The following DNAJC7 variants were observed in gnomAD, a reference collection of about 807,000 sequenced individuals.
The protein encoded by DNAJC7 is DnaJ heat shock protein family (Hsp40) member C7, also known as dnaJ homolog subfamily C member 7.
Under a neutral mutation model 67.4 loss-of-function variants are expected in DNAJC7, and 18 were observed. That is an observed-to-expected ratio of 0.27 (90% CI 0.18 to 0.40). The LOEUF is 0.40. Among genes scored for constraint, DNAJC7 ranks in the 10% least tolerant of loss-of-function variants. The pLI, the probability that DNAJC7 is intolerant of heterozygous loss-of-function variation, is 1.00. For missense variants in DNAJC7, 419 were observed against 613.8 expected (o/e 0.68, Z 3.35); for synonymous variants, 220 against 207.8 (o/e 1.06, Z -0.50).
intron 5 of DNAJC7, 26 bp downstream of exon 5, chr17:41,994,844 G>C: frequency 6.2e-7 from 1 of 1,609,092 alleles, no homozygotes; most frequent in Non-Finnish European, 8.5e-7. Context: ...AAGAGCAGAT[G>C]AGATTATCTC....
chr17:41,998,977 G>A lies in DNAJC7; in HGVS notation c.166+1505C>T, dbSNP rs568363900. 2.6e-5 allele frequency among the ~76,000 whole-genome samples: 4 copies of A among 152,066 alleles called. No individual in the cohort carries two copies. In the East Asian group the frequency reaches 5.8e-4, roughly 22 times the overall value. On this transcript the variant is annotated intron_variant, in intron 2 of 13. Coordinates refer to ENST00000457167, the MANE Select transcript of DNAJC7 (RefSeq NM_003315.4). ...AAGGTAGGAGGATCGCTTGAGCCCA[G>A]GAGTTTGAGACCAGCCGGGGCAACA...
At chr17:42,017,060 T>C (rs2052318935) in intron 1 of DNAJC7, 5 of 1,368,284 alleles carry the variant, frequency 3.7e-6, no homozygotes, top group South Asian at 1.5e-5. Context: ...ACCTCTGAAA[T>C]TGCCCTCGGA....
chr17:42,017,214 A>AT (rs1453802798), intron 1 of DNAJC7, 126 bp downstream of exon 1: 15 of 1,594,404 alleles, frequency 9.4e-6, no homozygotes, highest in East Asian at 8.9e-5. Flanking sequence ...TTGATCTCAG[A>AT]TGGGGGGGTG....
intron 1 of DNAJC7, among the ~76,000 whole-genome samples, chr17:42,006,483 G>C (rs1381418765): frequency 6.6e-6 from 1 of 151,840 alleles, no homozygotes; most frequent in Non-Finnish European, 1.5e-5. Flanking sequence ...CTGGGTGACA[G>C]AGTGAGACCC....
intron 10 of DNAJC7, 82 bp downstream of exon 10, chr17:41,983,481 C>A: frequency 7.8e-7 from 1 of 1,274,776 alleles, no homozygotes; most frequent in Non-Finnish European, 1.1e-6. Context: ...TCCCTGATCC[C>A]TGAATCAAAC....
chr17:41,981,976 C>G lies in DNAJC7; in HGVS notation c.1263G>C (p.Gln421His), dbSNP rs782301026. The change falls in exon 12 of 14, where the codon CAG becomes CAC. Residue 421 changes from glutamine (Q) to histidine (H), a missense_variant. This residue lies in a region of DNAJC7 where 161 missense variants were observed against 252.2 expected (regional missense o/e 0.64). Coordinates refer to ENST00000457167, the MANE Select transcript of DNAJC7 (RefSeq NM_003315.4). ...CCTTGAACTTCTTCTCCTCCTCCTTCTGAACCTCAGCACTGGCTCCACTAT... is the reference window on the plus strand; with the variant it reads ...CCTTGAACTTCTTCTCCTCCTCCTTGTGAACCTCAGCACTGGCTCCACTAT... The part of the protein sequence containing the change: ...DRHSGASAEV[Q>H]KEEEKKFKEV... 2.5e-6 allele frequency: 4 copies of G among 1,614,044 alleles called. No individual in the cohort carries two copies. Among genetic ancestry groups the G allele is most frequent in the Non-Finnish European group, 2.5e-6 (3 of 1,179,910 alleles).
intron 6 of DNAJC7, 95 bp downstream of exon 6, chr17:41,990,169 C>A (rs1002268478): frequency 8.1e-7 from 1 of 1,232,344 alleles, no homozygotes; most frequent in Non-Finnish European, 1.2e-6. Flanking sequence ...CCCTAGCTGG[C>A]CTACTCTGGG....
intron 13 of DNAJC7, 85 bp from the exon 14 acceptor site, chr17:41,976,855 G>A: frequency 6.5e-7 from 1 of 1,529,432 alleles, no homozygotes; most frequent in East Asian, 2.3e-5. Context: ...AGTCTTCAAG[G>A]GCTGCTTCAA....
At chr17:42,004,079 C>T (rs1179752651) in intron 1 of DNAJC7, among the ~76,000 whole-genome samples, 16 of 151,462 alleles carry the variant, frequency 1.1e-4, no homozygotes, top group African/African-American at 3.4e-4. Context: ...CTTAGCCTCC[C>T]GAGTAGCTGG....
chr17:42,006,522 G>A (rs1384692737), intron 1 of DNAJC7, among the ~76,000 whole-genome samples: 1 of 151,684 alleles, frequency 6.6e-6, no homozygotes, highest in African/African-American at 2.4e-5. Context: ...AACCAGGCTG[G>A]GCACGGTGGC....
intron 9 of DNAJC7, among the ~76,000 whole-genome samples, chr17:41,987,162 G>C (rs1175013900): frequency 6.6e-6 from 1 of 152,060 alleles, no homozygotes. Context: ...CCATGCCAGG[G>C]AGCACCCTGA....
At chr17:41,988,999 T>G in intron 7 of DNAJC7, 103 bp from the exon 8 acceptor site, 1 of 1,424,032 alleles carries the variant, frequency 7.0e-7, no homozygotes, top group Non-Finnish European at 9.6e-7. Flanking sequence ...TTCCAGCAGT[T>G]CAGCATCACA....
chr17:41,989,484 A>G lies in DNAJC7; in HGVS notation c.673T>C (p.Cys225Arg), dbSNP rs1555647365. 1.9e-6 allele frequency: 3 copies of G among 1,613,884 alleles called. No homozygotes were observed. The highest frequency in any genetic ancestry group is 1.6e-4 in the Middle Eastern group (1 of 6,084). The change falls in exon 7 of 14, where the codon TGT becomes CGT. Residue 225 changes from cysteine to arginine, a missense_variant. Cys to Arg is a radical substitution (Grantham distance 180). Transcript: ENST00000457167. ...VRGLCLYYEDCIEKAVQFFVQ... is the reference protein window; with the variant it reads ...VRGLCLYYEDRIEKAVQFFVQ... ...AAAAACTGAACTGCCTTCTCAATAC[A>G]ATCTTCGTAATAAAGGCAAAGACCT...
Position 41,994,933 on chromosome 17 carries a change from AGC to A in DNAJC7, c.415_416del (p.Ala139Ter). On this transcript the variant is annotated frameshift_variant, in exon 5 of 14. Transcript: ENST00000457167. LOFTEE classifies it high-confidence loss of function. ...TTTTCTCATATTCCATGACTGCATT[AGC>A]ATTCTTGAACTGCACCGGAAAATCA... is the stretch of plus-strand genomic sequence containing the variant. ...NAQAQQEFKNANAVMEYEKIA... is the reference protein window; with the variant it reads ...NAQAQQEFKNXNAVMEYEKIA... The A allele has an allele frequency of 6.2e-7, 1 of 1,613,896 alleles. No individual in the cohort carries two copies. Among genetic ancestry groups the A allele is most frequent in the Non-Finnish European group, 8.5e-7 (1 of 1,179,836 alleles).
intron 1 of DNAJC7, among the ~76,000 whole-genome samples, chr17:42,008,125 C>A (rs2052018429): frequency 6.6e-6 from 1 of 151,460 alleles, no homozygotes; most frequent in Non-Finnish European, 1.5e-5. Flanking sequence ...CCAGCCTAGG[C>A]AACATGGTGA....
Position 41,978,787 on chromosome 17 carries a change from G to A in DNAJC7, c.1385-1464C>T, listed in dbSNP as rs566154327. On this transcript the variant is annotated intron_variant, in intron 12 of 13. Transcript: ENST00000457167. ...CCCAGCTACTTGGGAGGCTAAGGCA[G>A]GAGAATGGCGTGAACCCGGGAGGCG... Among the ~76,000 whole-genome samples, 285 of 152,364 alleles carry A rather than the reference G, an allele frequency of 1.9e-3. 1 individual carries two copies. Among genetic ancestry groups the A allele is most frequent in the African/African-American group, 6.3e-3 (260 of 41,584 alleles).
At chr17:41,982,136 C>T (rs1222475025) in intron 11 of DNAJC7, 119 bp downstream of exon 11, 2 of 1,548,262 alleles carry the variant, frequency 1.3e-6, no homozygotes, top group African/African-American at 1.4e-5. Context: ...GTCCACAAGT[C>T]TGCAACACCT....
At chr17:42,016,670 C>T (rs1406427899) in intron 1 of DNAJC7, 1 of 153,072 alleles carries the variant, frequency 6.5e-6, no homozygotes, top group Non-Finnish European at 1.5e-5. Flanking sequence ...AAGCAGTTGC[C>T]CTCTTCCTTG....
chr17:42,004,962 C>T (rs1444667414), intron 1 of DNAJC7, among the ~76,000 whole-genome samples: 1 of 152,114 alleles, frequency 6.6e-6, no homozygotes, highest in Non-Finnish European at 1.5e-5. Context: ...GAGGTTGAGG[C>T]TGTAACGAGC....
Sources: gnomAD v4.1 joint callset for allele counts (sites outside exome capture counted in the v4.1 genomes callset) on GRCh38, gnomAD v4.1.1 for gene constraint, gnomAD v4.1.1 regional missense constraint, MANE v1.5 for transcripts, NCBI Gene and HGNC (gene_info 2026-07-23, HGNC 2026-07-21) for gene names.